Variants in OTOG observed in about 807,000 individuals in gnomAD.
OTOG encodes otogelin.
In OTOG, 296 loss-of-function variants were observed where a neutral mutation model predicts 313.8. The observed-to-expected ratio is 0.94, with a 90% CI of 0.86 to 1.04. OTOG has a LOEUF of 1.04. Ranked by LOEUF, OTOG falls within the 50% of genes least tolerant of loss-of-function variation. OTOG has a pLI of 0.00. For synonymous variants in OTOG, 1,533 were observed against 1,554.9 expected, an observed-to-expected ratio of 0.99 and a Z score of 0.33; for missense variants, 3,948 against 3,840.1, an observed-to-expected ratio of 1.03 and a Z score of -0.74.
chr11:17,642,458 C>T (rs1051178299), intron 53 of OTOG, among the ~76,000 whole-genome samples: 1 of 152,232 alleles, frequency 6.6e-6, no homozygotes, highest in Non-Finnish European at 1.5e-5. Flanking sequence ...TGACCACATG[C>T]AGATGTGCAC....
intron 38 of OTOG, 27 bp from the exon 39 acceptor site, chr11:17,613,585 T>C (rs1853650646): frequency 6.5e-7 from 1 of 1,543,618 alleles, no homozygotes; most frequent in Admixed American, 2.0e-5. Context: ...GGGCTCCAAG[T>C]TGATGAGGGC....
At position 17,570,079 on chromosome 11, in the gene OTOG, C is replaced by T. The variant is rs916564439; in HGVS notation, c.1778-134C>T. 113 of 760,916 alleles carry T rather than the reference C, an allele frequency of 1.5e-4. 1 individual carries two copies. In the East Asian group the frequency reaches 2.7e-3, roughly 18 times the overall value. The allele number at this position is 760,916 out of a possible 1,614,324, so 47.1% of individuals were successfully genotyped here. ...CCCCATACCAGCTTCATGGCAGGCA[C>T]GCAGGCAGGCAGGCAGGCAGGGGGC... On this transcript the variant is annotated intron_variant, in intron 16 of 55. Coordinates refer to ENST00000399397, the MANE Select transcript of OTOG (RefSeq NM_001292063.2).
At chr11:17,614,060 C>T (rs533656027) in intron 39 of OTOG, among the ~76,000 whole-genome samples, 2 of 152,264 alleles carry the variant, frequency 1.3e-5, no homozygotes, top group Non-Finnish European at 2.9e-5. Flanking sequence ...ACCAGGACCC[C>T]TACCAGGAAG....
At chr11:17,644,077 G>A (rs998717508) in intron 54 of OTOG, among the ~76,000 whole-genome samples, 1 of 152,266 alleles carries the variant, frequency 6.6e-6, no homozygotes, top group African/African-American at 2.4e-5. Flanking sequence ...GGGCAAGGGA[G>A]GGGGAGGGCC....
In OTOG at chr11:17,593,463, A is replaced by G. The variant is rs1405294196; in HGVS notation, c.3141+136A>G. On this transcript the variant is annotated intron_variant, in intron 26 of 55. Transcript: ENST00000399397. ...CCACTGAGTTAGGAGCCCAGACTGA[A>G]TTCCTCTTGGCCAGGGTCAGGAACA... is the stretch of plus-strand genomic sequence containing the variant. The G allele has an allele frequency of 4.3e-5, 61 of 1,421,282 alleles. No individual in the cohort carries two copies. The South Asian group carries it at 7.4e-4, about 17-fold the overall frequency. 88.0% of individuals were successfully genotyped at this position (1,421,282 alleles called of 1,614,324 possible).
intron 17 of OTOG, among the ~76,000 whole-genome samples, chr11:17,571,787 G>A (rs893070509): frequency 2.6e-5 from 4 of 152,056 alleles, no homozygotes; most frequent in Non-Finnish European, 5.9e-5. Context: ...GTGCGCGCAC[G>A]CATGCATGTG....
At chr11:17,631,647 G>A (rs531978837) in intron 40 of OTOG, 55 bp from the exon 41 acceptor site, 15 of 1,397,986 alleles carry the variant, frequency 1.1e-5, no homozygotes, top group African/African-American at 5.7e-5. Flanking sequence ...GAGAGCTGAC[G>A]ACATGGGAGT....
chr11:17,559,755 G>T, intron 12 of OTOG, 93 bp downstream of exon 12: 4 of 465,388 alleles, frequency 8.6e-6, no homozygotes, highest in Non-Finnish European at 1.1e-5. Flanking sequence ...CCTGTTTGTG[G>T]AAGGAAGGAA....
At chr11:17,593,564 G>C (rs553635614) in intron 26 of OTOG, 46 bp from the exon 27 acceptor site, 2 of 1,541,524 alleles carry the variant, frequency 1.3e-6, no homozygotes, top group African/African-American at 2.7e-5. Flanking sequence ...TGACCTGGGC[G>C]CTAGGGGGCA....
intron 31 of OTOG, among the ~76,000 whole-genome samples, chr11:17,600,159 G>A (rs1043832552): frequency 4.6e-5 from 7 of 152,216 alleles, no homozygotes; most frequent in African/African-American, 1.7e-4. Flanking sequence ...CTCAGCCAAG[G>A]TTGCAGGGTT....
chr11:17,557,168 G>A lies in OTOG; in HGVS notation c.710G>A (p.Gly237Asp). The A allele has an allele frequency of 1.9e-6, 3 of 1,550,616 alleles. No individual in the cohort carries two copies. The highest frequency in any genetic ancestry group is 2.6e-6 in the Non-Finnish European group (3 of 1,147,012). ...MGSARLQQLAGYVIVRHQSAF... is the reference protein window; with the variant it reads ...MGSARLQQLADYVIVRHQSAF... ...AGCGCGCGTCTGCAGCAGCTTGCCGGCTATGTCATCGTGCGGCATCAGTCA... is the reference window on the plus strand; with the variant it reads ...AGCGCGCGTCTGCAGCAGCTTGCCGACTATGTCATCGTGCGGCATCAGTCA... The change falls in exon 8 of 56, where the codon GGC becomes GAC. Residue 237 changes from glycine to aspartate, a missense_variant. Gly to Asp is a moderately conservative substitution (Grantham distance 94). Transcript: ENST00000399397.
Position 17,559,530 on chromosome 11 carries a change from C to T in OTOG, c.1214-4C>T. ...TGAGAGACCATGGATCCCTCCTTCC[C>T]AAGCTGTGCACTGCAAGGAGAAGGC... is the stretch of plus-strand genomic sequence containing the variant. On this transcript the variant is annotated splice_region_variant and splice_polypyrimidine_tract_variant and intron_variant, in intron 11 of 55. Coordinates refer to ENST00000399397, the MANE Select transcript of OTOG (RefSeq NM_001292063.2). 2 of 1,550,632 alleles carry T rather than the reference C, an allele frequency of 1.3e-6. No homozygotes were observed. Among genetic ancestry groups the T allele is most frequent in the Non-Finnish European group, 1.7e-6 (2 of 1,147,016 alleles).
intron 31 of OTOG, among the ~76,000 whole-genome samples, chr11:17,600,593 G>A (rs146255270): frequency 3.7e-4 from 57 of 152,246 alleles, no homozygotes; most frequent in Middle Eastern, 6.8e-3. Flanking sequence ...GATGACGGCC[G>A]GACCAGGGTG....
At chr11:17,591,700 G>T in intron 25 of OTOG, 112 bp downstream of exon 25, 3 of 1,348,256 alleles carry the variant, frequency 2.2e-6, no homozygotes, top group Non-Finnish European at 2.0e-6. Context: ...TCTAAGCCCT[G>T]AGGTGGGGCT....
In OTOG at chr11:17,560,725, T is replaced by G. The variant is rs1852161318; in HGVS notation, c.1359T>G (p.Asp453Glu). Residue 453 changes from aspartate (D) to glutamate (E), a missense_variant, in exon 13 of 56, where the codon GAT (aspartate) becomes GAG (glutamate). Asp to Glu is a conservative substitution (Grantham distance 45, BLOSUM62 2). Transcript: ENST00000399397. Reference protein sequence around the residue: ...CYCPNGLIFEDGGCVAPAECP... With the variant: ...CYCPNGLIFEEGGCVAPAECP... The stretch of plus-strand genomic sequence containing the variant: ...TCACTCTAGGGCTCATCTTCGAGGA[T>G]GGGGGCTGCGTGGCACCAGCTGAGT... The G allele has an allele frequency of 6.4e-7, 1 of 1,550,432 alleles. No homozygotes were observed. The highest frequency in any genetic ancestry group is 1.4e-5 in the African/African-American group (1 of 73,016).
At chr11:17,608,486 G>A (rs1853445884) in intron 34 of OTOG, 73 bp downstream of exon 34, 2 of 1,016,596 alleles carry the variant, frequency 2.0e-6, no homozygotes, top group Non-Finnish European at 2.8e-6. Context: ...ACATACACTT[G>A]TGTATGAGTG....
chr11:17,623,519 T>C (rs571693425), intron 39 of OTOG, among the ~76,000 whole-genome samples: 62 of 152,378 alleles, frequency 4.1e-4, no homozygotes, highest in African/African-American at 1.3e-3. Flanking sequence ...GGTGTGTATA[T>C]ACTACATTTT....
At position 17,565,089 on chromosome 11, in the gene OTOG, A is replaced by G. The variant is rs577659844; in HGVS notation, c.1644+3282A>G. 7.2e-5 allele frequency among the ~76,000 whole-genome samples: 11 copies of G among 152,340 alleles called. No homozygotes were observed. In the East Asian group the frequency reaches 1.9e-3, roughly 27 times the overall value. The stretch of plus-strand genomic sequence containing the variant: ...AATGAACCGATGTTAATAGATTATC[A>G]TTAGCCAAAGTGCATACCTTATTTA... On this transcript the variant is annotated intron_variant, in intron 15 of 55. Coordinates refer to ENST00000399397, the MANE Select transcript of OTOG (RefSeq NM_001292063.2).
chr11:17,550,200 G>A (rs1187854601), intron 3 of OTOG, among the ~76,000 whole-genome samples: 1 of 152,136 alleles, frequency 6.6e-6, no homozygotes, highest in Non-Finnish European at 1.5e-5. Context: ...TATAGATGTT[G>A]CTGTCTCAAG....
Sources: gnomAD v4.1 joint callset for allele counts (sites outside exome capture counted in the v4.1 genomes callset) on GRCh38, gnomAD v4.1.1 for gene constraint, MANE v1.5 for transcripts, NCBI Gene and HGNC (gene_info 2026-07-23, HGNC 2026-07-21) for gene names.